Variants in PTPRN2 observed in about 807,000 individuals in gnomAD.
PTPRN2 encodes the protein receptor-type tyrosine-protein phosphatase N2.
Under a neutral mutation model 118.8 loss-of-function variants are expected in PTPRN2, and 74 were observed. That is an observed-to-expected ratio of 0.62 (90% CI 0.52 to 0.76). The LOEUF is 0.76. PTPRN2 is among the 30% of genes least tolerant of loss of function. The probability of loss-of-function intolerance (pLI) is 0.00; values close to 1 mark genes in which losing one functional copy is unlikely to be tolerated. For missense variants in PTPRN2, 1,481 were observed against 1,394.4 expected (o/e 1.06, Z -0.99); for synonymous variants, 641 against 608.0 (o/e 1.05, Z -0.80).
In PTPRN2 at chr7:158,175,797, G is replaced by A. The variant is rs117779757; in HGVS notation, c.550-8506C>T. ...TACTTGGGATCAACAAATTTGTAGC[G>A]AGTTGACAGTATCACGGGGTGCCAA... On this transcript the variant is annotated intron_variant, in intron 5 of 22. Transcript: ENST00000389418. Among the ~76,000 whole-genome samples, 1,287 of 152,274 alleles carry A rather than the reference G, an allele frequency of 8.5e-3. 6 individuals carry two copies. Among genetic ancestry groups the A allele is most frequent in the Non-Finnish European group, 0.014 (968 of 68,028 alleles).
intron 2 of PTPRN2, among the ~76,000 whole-genome samples, chr7:158,428,081 G>C (rs1270599339): frequency 1.3e-5 from 2 of 152,246 alleles, no homozygotes; most frequent in Non-Finnish European, 2.9e-5. Context: ...GATTTCAGGG[G>C]TTCTCTTAGC....
At chr7:158,171,244 T>C (rs1252427647) in intron 5 of PTPRN2, among the ~76,000 whole-genome samples, 1 of 135,726 alleles carries the variant, frequency 7.4e-6, no homozygotes, top group Non-Finnish European at 1.5e-5. Flanking sequence ...TATATACACA[T>C]ATATACACAC....
In PTPRN2 at chr7:158,003,547, C is replaced by T. The variant is rs1805433985; in HGVS notation, c.1723+77751G>A. Among the ~76,000 whole-genome samples the T allele has an allele frequency of 6.6e-6, 1 of 152,146 alleles. No individual in the cohort carries two copies. Among genetic ancestry groups the T allele is most frequent in the South Asian group, 2.1e-4 (1 of 4,826 alleles). ...AGCCCCTGAGGACGTGGCCACGACG[C>T]AGCCACCGTGAGCCAGGGAATGCGG... is the stretch of plus-strand genomic sequence containing the variant. On this transcript the variant is annotated intron_variant, in intron 11 of 22. Transcript: ENST00000389418. The surrounding 1 kb of genome is among the most constrained non-coding windows in gnomAD (Gnocchi z 5.0).
intron 12 of PTPRN2, among the ~76,000 whole-genome samples, chr7:157,710,490 C>A (rs566423262): frequency 6.7e-6 from 1 of 149,986 alleles, no homozygotes; most frequent in Admixed American, 6.6e-5. Flanking sequence ...CCCACCCCCC[C>A]GCCCCGTGGC....
chr7:158,236,768 C>A (rs891578101), intron 3 of PTPRN2, among the ~76,000 whole-genome samples: 1 of 147,068 alleles, frequency 6.8e-6, no homozygotes, highest in Non-Finnish European at 1.5e-5. Flanking sequence ...CAGGTAGAAC[C>A]TGTCCCTGCC....
intron 17 of PTPRN2, among the ~76,000 whole-genome samples, chr7:157,594,147 C>T (rs981831525): frequency 1.3e-5 from 2 of 152,200 alleles, no homozygotes; most frequent in African/African-American, 2.4e-5. Context: ...CTCGGAAACC[C>T]GGATCTGTTC....
intron 9 of PTPRN2, among the ~76,000 whole-genome samples, chr7:158,130,684 GAC>G (rs757753774): frequency 1.1e-4 from 13 of 115,192 alleles, no homozygotes; most frequent in East Asian, 2.5e-4. Context: ...CGTACATACA[GAC>G]ACACACATCT....
At chr7:158,062,095 T>C (rs10276323) in intron 11 of PTPRN2, among the ~76,000 whole-genome samples, 85,531 of 152,154 alleles carry the variant, frequency 0.56, 24,563 homozygotes, top group African/African-American at 0.67. Flanking sequence ...ACTTCTGCAA[T>C]AGCCTCAGTA....
intron 3 of PTPRN2, among the ~76,000 whole-genome samples, chr7:158,293,102 C>T (rs1259083384): frequency 6.6e-6 from 1 of 151,974 alleles, no homozygotes; most frequent in Non-Finnish European, 1.5e-5. Context: ...CTATATAGAG[C>T]ACTGACCATG....
chr7:158,353,194 C>T (rs994180795), intron 2 of PTPRN2, among the ~76,000 whole-genome samples: 4 of 152,238 alleles, frequency 2.6e-5, no homozygotes, highest in Admixed American at 6.5e-5. Context: ...TCCAATACCA[C>T]GATGCAGATG....
In PTPRN2 at chr7:157,591,728, G is replaced by A. The variant is rs78074422; in HGVS notation, c.2496+3510C>T. 6.7e-3 allele frequency among the ~76,000 whole-genome samples: 1,016 copies of A among 152,284 alleles called. 8 individuals carry two copies. Among genetic ancestry groups the A allele is most frequent in the Middle Eastern group, 0.017 (5 of 294 alleles). On this transcript the variant is annotated intron_variant, in intron 17 of 22. Transcript: ENST00000389418. This position sits in a 1 kb window ranked among gnomAD's most constrained non-coding sequence, Gnocchi z 4.4. ...GAGATGCTGACATTCTAAAACACAC[G>A]GTTTAGAGGCCTCCCAGGCAAATGT...
intron 3 of PTPRN2, among the ~76,000 whole-genome samples, chr7:158,257,722 G>A (rs981677099): frequency 2.6e-5 from 4 of 152,222 alleles, no homozygotes; most frequent in Admixed American, 6.5e-5. Context: ...CAAGACCTGC[G>A]GCGGTGACTG....
At chr7:158,211,663 G>A (rs1827611953) in intron 3 of PTPRN2, among the ~76,000 whole-genome samples, 1 of 152,130 alleles carries the variant, frequency 6.6e-6, no homozygotes, top group Admixed American at 6.5e-5. Context: ...AACCTACAAT[G>A]AGATATCATC....
At chr7:157,638,241 G>A (rs1413250697) in intron 14 of PTPRN2, among the ~76,000 whole-genome samples, 2 of 152,092 alleles carry the variant, frequency 1.3e-5, no homozygotes, top group African/African-American at 4.8e-5. Context: ...GTCTATGTGC[G>A]AGACAAAGTT....
At chr7:158,150,120 C>G (rs1425389226) in intron 6 of PTPRN2, among the ~76,000 whole-genome samples, 3 of 152,318 alleles carry the variant, frequency 2.0e-5, no homozygotes, top group South Asian at 2.1e-4. Context: ...TTCTGCTGAG[C>G]TCTGAAGCTT....
At chr7:158,060,894 TTTA>T (rs1810278772) in intron 11 of PTPRN2, among the ~76,000 whole-genome samples, 1 of 152,244 alleles carries the variant, frequency 6.6e-6, no homozygotes, top group East Asian at 1.9e-4. Flanking sequence ...GAAAGTTTCC[TTTA>T]TTAAGTTATT....
chr7:158,502,535 T>C (rs1822441220), intron 1 of PTPRN2, among the ~76,000 whole-genome samples: 1 of 152,050 alleles, frequency 6.6e-6, no homozygotes, highest in African/African-American at 2.4e-5. Flanking sequence ...CCACCCCTGC[T>C]CCTCGGGACG....
chr7:157,543,002 G>T (rs770016805), intron 22 of PTPRN2, among the ~76,000 whole-genome samples: 4 of 152,224 alleles, frequency 2.6e-5, no homozygotes, highest in African/African-American at 4.8e-5. Flanking sequence ...AAGGTCTGTG[G>T]CCACGTTCTG....
intron 21 of PTPRN2, among the ~76,000 whole-genome samples, chr7:157,555,771 T>C (rs1023173534): frequency 6.6e-6 from 1 of 152,232 alleles, no homozygotes; most frequent in Non-Finnish European, 1.5e-5. Context: ...GAAAATTTTC[T>C]CAACTCTACC....
Sources: allele counts gnomAD v4.1 joint callset (sites outside exome capture counted in the v4.1 genomes callset), GRCh38; gene constraint gnomAD v4.1.1; non-coding constraint Gnocchi (gnomAD v3.1); transcripts MANE v1.5; gene names NCBI Gene and HGNC (gene_info 2026-07-23, HGNC 2026-07-21).